USP32: variants seen among roughly 807,000 people sequenced by gnomAD.
USP32 encodes the protein ubiquitin carboxyl-terminal hydrolase 32.
USP32 carries 59 observed loss-of-function variants against 204.8 expected under a neutral mutation model. The ratio of observed to expected loss-of-function variants is 0.29; its 90% CI spans 0.23 to 0.36. The LOEUF (loss-of-function observed/expected upper bound fraction) is 0.36. Among genes scored for constraint, USP32 ranks in the 10% least tolerant of loss-of-function variants. The pLI is 1.00. For missense variants in USP32, 1,160 were observed against 1,946.4 expected (o/e 0.60, Z 7.60); for synonymous variants, 517 against 678.4 (o/e 0.76, Z 3.70).
intron 11 of USP32, chr17:60,249,853 TTTTTTTTTTAACAACGTACTGACTGTAA>T: frequency 1.6e-6 from 1 of 624,102 alleles, no homozygotes; most frequent in East Asian, 2.9e-5. Flanking sequence ...TCACGATACT[TTTTTTTTTTAACAACGTACTGACTGTAA>T]GTTAGAGACA....
At chr17:60,325,530 T>C (rs966848250) in intron 2 of USP32, among the ~76,000 whole-genome samples, 6 of 152,184 alleles carry the variant, frequency 3.9e-5, no homozygotes, top group Admixed American at 6.5e-5. Flanking sequence ...CCAAAAATTG[T>C]GATATAATTT....
chr17:60,354,645 G>C (rs776405837), intron 1 of USP32, among the ~76,000 whole-genome samples: 14 of 152,200 alleles, frequency 9.2e-5, no homozygotes, highest in Non-Finnish European at 2.1e-4. Flanking sequence ...TCAGGTAGAT[G>C]ATAAAACCCA....
intron 1 of USP32, among the ~76,000 whole-genome samples, chr17:60,400,300 T>C (rs1165836041): frequency 6.6e-6 from 1 of 152,012 alleles, no homozygotes; most frequent in African/African-American, 2.4e-5. Flanking sequence ...CTGACTGCTG[T>C]GTTGAAAGTG....
intron 1 of USP32, among the ~76,000 whole-genome samples, chr17:60,359,251 T>C (rs2146047093): frequency 6.6e-6 from 1 of 152,310 alleles, no homozygotes; most frequent in South Asian, 2.1e-4. Context: ...CTCAATGCTT[T>C]AACTTTAAAA....
At chr17:60,181,869 G>A (rs1284177254) in intron 31 of USP32, 121 bp from the exon 32 acceptor site, 79 of 1,418,712 alleles carry the variant, frequency 5.6e-5, no homozygotes, top group Non-Finnish European at 7.2e-5. Flanking sequence ...CAGGGCAGTC[G>A]TGACTGGCTA....
intron 2 of USP32, among the ~76,000 whole-genome samples, chr17:60,322,733 C>T (rs956397620): frequency 1.3e-5 from 2 of 152,074 alleles, no homozygotes; most frequent in African/African-American, 4.8e-5. Flanking sequence ...TTAACAATTA[C>T]TTTAACATTT....
chr17:60,358,315 C>T (rs781059412), intron 1 of USP32, among the ~76,000 whole-genome samples: 1 of 152,112 alleles, frequency 6.6e-6, no homozygotes, highest in African/African-American at 2.4e-5. Flanking sequence ...TACCTCACAC[C>T]TGTAATCCCA....
At chr17:60,319,071 G>C (rs770145909) in intron 2 of USP32, among the ~76,000 whole-genome samples, 1 of 152,130 alleles carries the variant, frequency 6.6e-6, no homozygotes, top group Admixed American at 6.5e-5. Flanking sequence ...AGTTGACTGC[G>C]TGTTATGAGG....
upstream of USP32, among the ~76,000 whole-genome samples, chr17:60,394,447 T>C (rs371179835): frequency 6.6e-6 from 1 of 152,350 alleles, no homozygotes. Flanking sequence ...AGCAAATTAA[T>C]GTATCTCTTT....
intron 9 of USP32, chr17:60,257,084 G>A (rs1318013091): frequency 4.7e-6 from 1 of 212,590 alleles, no homozygotes; most frequent in Non-Finnish European, 9.4e-6. Context: ...GCTGCCTGAT[G>A]AGACAGAAGC....
intron 1 of USP32, among the ~76,000 whole-genome samples, chr17:60,384,716 C>T (rs1325538363): frequency 6.6e-6 from 1 of 151,280 alleles, no homozygotes; most frequent in African/African-American, 2.4e-5. Context: ...TGCTTGAATT[C>T]GGGAGGCGGA....
chr17:60,316,510 A>G (rs1211143971), intron 2 of USP32, among the ~76,000 whole-genome samples: 1 of 152,138 alleles, frequency 6.6e-6, no homozygotes, highest in African/African-American at 2.4e-5. Flanking sequence ...ACGTATTTTT[A>G]ATATTGTCTC....
At chr17:60,318,886 G>A (rs1032075386) in intron 2 of USP32, among the ~76,000 whole-genome samples, 1 of 152,116 alleles carries the variant, frequency 6.6e-6, no homozygotes, top group East Asian at 1.9e-4. Flanking sequence ...TAAGTTATTC[G>A]TTACAATGGG....
At chr17:60,272,726 T>C (rs1254627864) in intron 5 of USP32, among the ~76,000 whole-genome samples, 1 of 152,170 alleles carries the variant, frequency 6.6e-6, no homozygotes, top group African/African-American at 2.4e-5. Flanking sequence ...CCACAGTCAC[T>C]TTCCAGACCT....
intron 5 of USP32, among the ~76,000 whole-genome samples, chr17:60,279,871 T>A (rs963268478): frequency 5.3e-5 from 8 of 150,254 alleles, no homozygotes; most frequent in African/African-American, 2.0e-4. Context: ...ATAATAATAA[T>A]AATAAAATGT....
At chr17:60,286,529 G>C (rs1598196675) in intron 5 of USP32, among the ~76,000 whole-genome samples, 1 of 152,172 alleles carries the variant, frequency 6.6e-6, no homozygotes, top group African/African-American at 2.4e-5. Flanking sequence ...CAGAGCAGGA[G>C]GCACCTTTTG....
At chr17:60,244,029 GTTTT>G (rs34842511) in intron 11 of USP32, among the ~76,000 whole-genome samples, 40 of 71,682 alleles carry the variant, frequency 5.6e-4, no homozygotes, top group African/African-American at 2.5e-3. Context: ...GCTGGATTGT[GTTTT>G]TTTTTTTTTT....
intron 2 of USP32, among the ~76,000 whole-genome samples, chr17:60,344,837 T>C (rs2088746581): frequency 6.6e-6 from 1 of 152,220 alleles, no homozygotes; most frequent in Admixed American, 6.5e-5. Flanking sequence ...ACTTTTATTT[T>C]ATTTTTTTTA....
chr17:60,355,617 CA>C (rs1197179170), intron 1 of USP32, among the ~76,000 whole-genome samples: 4 of 151,878 alleles, frequency 2.6e-5, no homozygotes, highest in African/African-American at 9.7e-5. Flanking sequence ...GTGACTGAAG[CA>C]GATGAATTGT....
Sources: allele counts gnomAD v4.1 joint callset (sites outside exome capture counted in the v4.1 genomes callset), GRCh38; gene constraint gnomAD v4.1.1; transcripts MANE v1.5; gene names NCBI Gene and HGNC (gene_info 2026-07-23, HGNC 2026-07-21).